RAPGEF5: variants seen among roughly 807,000 people sequenced by gnomAD.
RAPGEF5 encodes Rap guanine nucleotide exchange factor 5.
In RAPGEF5, 65 loss-of-function variants were observed where a neutral mutation model predicts 125.2. The ratio of observed to expected loss-of-function variants is 0.52; its 90% CI spans 0.43 to 0.64. The LOEUF (loss-of-function observed/expected upper bound fraction) is 0.64. Among genes scored for constraint, RAPGEF5 ranks in the 30% least tolerant of loss-of-function variants. RAPGEF5 has a pLI of 0.00. For missense variants in RAPGEF5, 958 were observed against 1,048.1 expected (o/e 0.91, Z 1.19); for synonymous variants, 391 against 385.9 (o/e 1.01, Z -0.16).
At chr7:22,339,160 A>G (rs1243318211) in intron 1 of RAPGEF5, among the ~76,000 whole-genome samples, 4 of 152,204 alleles carry the variant, frequency 2.6e-5, no homozygotes, top group Non-Finnish European at 4.4e-5. Flanking sequence ...TACACTGTGC[A>G]TGCAGCCCCT....
chr7:22,193,358 G>C lies in RAPGEF5; in HGVS notation c.1204+9C>G, dbSNP rs529399078. On this transcript the variant is annotated intron_variant, in intron 11 of 25. Transcript: ENST00000665637. ...TCAGTCTGGAAGCATGAGCTACTCA[G>C]AGCCTTACCTGTTTCTTTGTCCTGG... 3.9e-5 allele frequency: 61 copies of C among 1,575,530 alleles called. No homozygotes were observed. The Admixed American group carries it at 7.9e-4, about 20-fold the overall frequency.
intron 9 of RAPGEF5, among the ~76,000 whole-genome samples, chr7:22,195,698 G>A (rs919671336): frequency 6.6e-6 from 1 of 151,946 alleles, no homozygotes; most frequent in Non-Finnish European, 1.5e-5. Flanking sequence ...GGTGGCTGGA[G>A]AGAAGTGCAT....
At chr7:22,169,671 A>G (rs1784281782) in intron 11 of RAPGEF5, among the ~76,000 whole-genome samples, 1 of 146,964 alleles carries the variant, frequency 6.8e-6, no homozygotes, top group Non-Finnish European at 1.5e-5. Flanking sequence ...CCTGGCCAAC[A>G]TTGCGAAACT....
chr7:22,311,263 C>A (rs927669270), intron 3 of RAPGEF5, among the ~76,000 whole-genome samples: 2 of 152,118 alleles, frequency 1.3e-5, no homozygotes, highest in African/African-American at 4.8e-5. Context: ...AGTGATCCTG[C>A]CTCAGCTGCC....
intron 5 of RAPGEF5, among the ~76,000 whole-genome samples, chr7:22,299,938 G>A (rs910416396): frequency 6.6e-6 from 1 of 152,068 alleles, no homozygotes; most frequent in Non-Finnish European, 1.5e-5. Flanking sequence ...TTTCTTAGTT[G>A]TTTTTAAGTA....
chr7:22,165,926 C>T (rs753907557), intron 12 of RAPGEF5, among the ~76,000 whole-genome samples: 28 of 151,716 alleles, frequency 1.8e-4, no homozygotes, highest in Non-Finnish European at 3.7e-4. Context: ...AGTAATCCTC[C>T]TCCCTCAGCA....
intron 2 of RAPGEF5, 61 bp from the exon 3 acceptor site, chr7:22,315,537 C>A: frequency 3.2e-6 from 3 of 942,522 alleles, no homozygotes; most frequent in South Asian, 3.1e-5. Flanking sequence ...TGTGAACTAC[C>A]AATAGCATAC....
intron 8 of RAPGEF5, among the ~76,000 whole-genome samples, chr7:22,228,674 ATTTTTTTTTT>A (rs11291130): frequency 6.9e-6 from 1 of 144,166 alleles, no homozygotes; most frequent in African/African-American, 2.6e-5. Flanking sequence ...CGCCCAGCTA[ATTTTTTTTTT>A]TTTTTTTTTA....
At chr7:22,212,972 A>G (rs531266602) in intron 9 of RAPGEF5, among the ~76,000 whole-genome samples, 1 of 152,332 alleles carries the variant, frequency 6.6e-6, no homozygotes, top group African/African-American at 2.4e-5. Flanking sequence ...GAACCTAATA[A>G]AGCTAGGAGC....
intron 8 of RAPGEF5, among the ~76,000 whole-genome samples, chr7:22,220,965 G>A (rs754394799): frequency 6.0e-4 from 91 of 152,260 alleles, no homozygotes; most frequent in Non-Finnish European, 1.2e-3. Context: ...TGATCTTAAC[G>A]GTTTGTGCTA....
At chr7:22,176,406 A>G (rs986841052) in intron 11 of RAPGEF5, among the ~76,000 whole-genome samples, 5 of 152,230 alleles carry the variant, frequency 3.3e-5, no homozygotes, top group Admixed American at 3.3e-4. Flanking sequence ...ATGAATAGTC[A>G]ACTGCCTCTG....
intron 7 of RAPGEF5, among the ~76,000 whole-genome samples, chr7:22,237,795 C>T (rs1486423812): frequency 1.3e-5 from 2 of 152,120 alleles, no homozygotes; most frequent in African/African-American, 4.8e-5. Context: ...TTCAGTAATA[C>T]CAGCACCTGG....
Position 22,291,232 on chromosome 7 carries a change from C to A in RAPGEF5, c.690G>T (p.Gln230His). 1 of 1,538,216 alleles carries A rather than the reference C, an allele frequency of 6.5e-7. No homozygotes were observed. Among genetic ancestry groups the A allele is most frequent in the East Asian group, 2.4e-5 (1 of 42,194 alleles). ...TGCTTTCTTCGGAGTCTTCAATTTTCTGATGAGACCTAAAAAAAAAAAAAA... is the reference window on the plus strand; with the variant it reads ...TGCTTTCTTCGGAGTCTTCAATTTTATGATGAGACCTAAAAAAAAAAAAAA... Reference protein sequence around the residue: ...ARGGICELSHQKIEDSEESSD... With the variant: ...ARGGICELSHHKIEDSEESSD... Residue 230 changes from glutamine to histidine, a missense_variant, in exon 6 of 26, where the codon CAG (glutamine) becomes CAT (histidine). By Grantham distance (24) the Gln-to-His change is conservative. Transcript: ENST00000665637.
intron 25 of RAPGEF5, 46 bp downstream of exon 25, chr7:22,125,558 C>T (rs529580676): frequency 1.3e-6 from 2 of 1,542,646 alleles, no homozygotes; most frequent in Admixed American, 1.7e-5. Flanking sequence ...CAGTTGGTAC[C>T]AACGTAGAGT....
At chr7:22,215,583 G>A (rs1833107) in intron 9 of RAPGEF5, among the ~76,000 whole-genome samples, 87,617 of 151,876 alleles carry the variant, frequency 0.58, 25,789 homozygotes, top group Middle Eastern at 0.78. Context: ...CTATGACATC[G>A]GCTTGAACAA....
At chr7:22,258,402 C>A (rs966603617) in intron 7 of RAPGEF5, among the ~76,000 whole-genome samples, 4 of 152,182 alleles carry the variant, frequency 2.6e-5, no homozygotes, top group African/African-American at 7.2e-5. Flanking sequence ...AGGCAAATCA[C>A]CTGAGGTTGG....
At chr7:22,352,768 T>A (rs1467157489) in intron 1 of RAPGEF5, among the ~76,000 whole-genome samples, 1 of 152,184 alleles carries the variant, frequency 6.6e-6, no homozygotes, top group African/African-American at 2.4e-5. Context: ...TCCTGCACAT[T>A]GTGAATTTCA....
chr7:22,308,194 T>C (rs1783388071), intron 5 of RAPGEF5, 145 bp downstream of exon 5: 3 of 817,092 alleles, frequency 3.7e-6, no homozygotes, highest in Admixed American at 3.8e-5. Context: ...ATTTATTTTA[T>C]CTTTCTAAAT....
At chr7:22,149,640 C>T (rs939034773) in intron 18 of RAPGEF5, among the ~76,000 whole-genome samples, 5 of 151,748 alleles carry the variant, frequency 3.3e-5, no homozygotes, top group African/African-American at 9.7e-5. Context: ...TGGCAGCTGA[C>T]GTCCCATCAC....
Sources: allele counts gnomAD v4.1 joint callset (sites outside exome capture counted in the v4.1 genomes callset), GRCh38; gene constraint gnomAD v4.1.1; transcripts MANE v1.5; gene names NCBI Gene and HGNC (gene_info 2026-07-23, HGNC 2026-07-21).